The following PDE3B variants were observed in gnomAD, a reference collection of about 807,000 sequenced individuals.
PDE3B encodes the protein cGMP-inhibited 3',5'-cyclic phosphodiesterase 3B.
In PDE3B, 66 loss-of-function variants were observed where a neutral mutation model predicts 116.8. The ratio of observed to expected loss-of-function variants is 0.56; its 90% CI spans 0.46 to 0.69. PDE3B has a LOEUF of 0.69. PDE3B is among the 30% of genes least tolerant of loss of function. The pLI, the probability that PDE3B is intolerant of heterozygous loss-of-function variation, is 0.00. For missense variants in PDE3B, 1,384 were observed against 1,368.1 expected (o/e 1.01, Z -0.18); for synonymous variants, 595 against 533.6 (o/e 1.12, Z -1.59).
At chr11:14,651,820 A>G (rs1005762004) in intron 1 of PDE3B, among the ~76,000 whole-genome samples, 2 of 152,208 alleles carry the variant, frequency 1.3e-5, no homozygotes, top group African/African-American at 2.4e-5. Context: ...CAATATATGT[A>G]TGACTGTATC....
At chr11:14,780,459 A>G (rs1043630066) in intron 2 of PDE3B, among the ~76,000 whole-genome samples, 1 of 152,232 alleles carries the variant, frequency 6.6e-6, no homozygotes, top group South Asian at 2.1e-4. Flanking sequence ...AATTATAACA[A>G]ACTGTCTCTC....
At chr11:14,779,864 A>T (rs1590137476) in intron 2 of PDE3B, among the ~76,000 whole-genome samples, 1 of 152,294 alleles carries the variant, frequency 6.6e-6, no homozygotes, top group African/African-American at 2.4e-5. Flanking sequence ...ATTAAAAGAC[A>T]CAGACTGGCA....
rs773173144 is a variant in PDE3B at position 14,644,756 on chromosome 11, C to T, written c.681C>T (p.Ser227=). 9 of 1,595,236 alleles carry T rather than the reference C, an allele frequency of 5.6e-6. No individual in the cohort carries two copies. The highest frequency in any genetic ancestry group is 1.7e-4 in the Middle Eastern group (1 of 6,014). The stretch of plus-strand genomic sequence containing the variant: ...GCGTTCTGGTGCTGCTCCTGGCCAG[C>T]TTCGTCTGGTGGGTCTCCTTCACCA... The part of the protein sequence containing the change: ...RHCVLVLLLA[S]FVWWVSFTSL... The change falls in exon 1 of 16, where the codon AGC becomes AGT. Residue 227 remains serine, a synonymous_variant. Coordinates refer to ENST00000282096, the MANE Select transcript of PDE3B (RefSeq NM_000922.4).
At chr11:14,892,974 A>T in the PDE3B span, among the ~76,000 whole-genome samples, 2 of 152,322 alleles carry the variant, frequency 1.3e-5, no homozygotes, top group East Asian at 3.9e-4. Flanking sequence ...TATTCTTGCT[A>T]ATTGTTTTTA....
intron 1 of PDE3B, among the ~76,000 whole-genome samples, chr11:14,666,380 C>T (rs1854151335): frequency 6.6e-6 from 1 of 151,730 alleles, no homozygotes; most frequent in African/African-American, 2.4e-5. Flanking sequence ...TGGGCAAGGA[C>T]TTCATGTCTA....
At chr11:14,884,568 T>G in the PDE3B span, among the ~76,000 whole-genome samples, 1 of 148,672 alleles carries the variant, frequency 6.7e-6, no homozygotes, top group East Asian at 2.0e-4. Flanking sequence ...CATTAGGAGA[T>G]ATACCTAATG....
intron 1 of PDE3B, among the ~76,000 whole-genome samples, chr11:14,704,705 T>C (rs897293374): frequency 4.6e-5 from 7 of 151,708 alleles, no homozygotes; most frequent in Non-Finnish European, 7.4e-5. Context: ...ACGTATGTAA[T>C]AAAATGTATA....
At chr11:14,846,539 A>T (rs1847606675) in intron 12 of PDE3B, among the ~76,000 whole-genome samples, 1 of 152,216 alleles carries the variant, frequency 6.6e-6, no homozygotes, top group Non-Finnish European at 1.5e-5. Context: ...AAAGATACAG[A>T]CTGGCAAATT....
At chr11:14,886,058 A>C in the PDE3B span, 1 of 797,572 alleles carries the variant, frequency 1.3e-6, no homozygotes, top group Non-Finnish European at 2.1e-6. Context: ...CTCAACTGAC[A>C]ATGTTCAGAG....
chr11:14,874,536 A>G (rs1555009502), downstream of PDE3B, among the ~76,000 whole-genome samples: 2 of 152,310 alleles, frequency 1.3e-5, no homozygotes, highest in Middle Eastern at 3.4e-3. Flanking sequence ...TCTTTATAGT[A>G]TCTGCTTCTC....
At chr11:14,893,332 A>G in the PDE3B span, among the ~76,000 whole-genome samples, 99,581 of 152,108 alleles carry the variant, frequency 0.65, 33,012 homozygotes, top group African/African-American at 0.73. Context: ...TTTAGCAGGC[A>G]AGGGCTGTCA....
At chr11:14,718,472 T>C (rs1156725812) in intron 1 of PDE3B, among the ~76,000 whole-genome samples, 2 of 148,366 alleles carry the variant, frequency 1.3e-5, no homozygotes, top group African/African-American at 2.5e-5. Flanking sequence ...ATATACGTTT[T>C]TTTCAGCACC....
intron 4 of PDE3B, among the ~76,000 whole-genome samples, chr11:14,794,544 C>A (rs547690394): frequency 1.3e-5 from 2 of 152,198 alleles, no homozygotes; most frequent in Admixed American, 6.5e-5. Flanking sequence ...GAACTCCTGA[C>A]CTCAGGTGAT....
chr11:14,860,920 T>TAC (rs3834439), intron 13 of PDE3B, among the ~76,000 whole-genome samples: 363 of 150,056 alleles, frequency 2.4e-3, no homozygotes, highest in South Asian at 7.5e-3. Context: ...TATATATATA[T>TAC]ACACACACAC....
intron 1 of PDE3B, among the ~76,000 whole-genome samples, chr11:14,711,994 C>G (rs1013929493): frequency 5.3e-5 from 8 of 152,132 alleles, no homozygotes; most frequent in Non-Finnish European, 8.8e-5. Flanking sequence ...GCCTGAGAAG[C>G]TAAGAAAAAA....
chr11:14,691,907 A>T (rs1263354866), intron 1 of PDE3B, among the ~76,000 whole-genome samples: 1 of 152,190 alleles, frequency 6.6e-6, no homozygotes, highest in South Asian at 2.1e-4. Flanking sequence ...ACTAAGATCA[A>T]ATCATTTACA....
intron 1 of PDE3B, among the ~76,000 whole-genome samples, chr11:14,725,075 C>CTAGAA (rs1286861585): frequency 6.6e-6 from 1 of 152,118 alleles, no homozygotes; most frequent in Non-Finnish European, 1.5e-5. Flanking sequence ...GAAGGGAAGA[C>CTAGAA]TAGAAGAGGA....
At chr11:14,863,554 G>C (rs1433334755) in intron 14 of PDE3B, among the ~76,000 whole-genome samples, 1 of 152,212 alleles carries the variant, frequency 6.6e-6, no homozygotes, top group Non-Finnish European at 1.5e-5. Flanking sequence ...CAGCCAGAGA[G>C]AAAGGTTGGG....
At chr11:14,665,456 T>C (rs1429667119) in intron 1 of PDE3B, among the ~76,000 whole-genome samples, 1 of 152,102 alleles carries the variant, frequency 6.6e-6, no homozygotes, top group Non-Finnish European at 1.5e-5. Flanking sequence ...GGTATTCAAT[T>C]AGGAAAAGAG....
Sources: gnomAD v4.1 joint callset for allele counts (sites outside exome capture counted in the v4.1 genomes callset) on GRCh38, gnomAD v4.1.1 for gene constraint, MANE v1.5 for transcripts, NCBI Gene and HGNC (gene_info 2026-07-23, HGNC 2026-07-21) for gene names.